Variants in SPATS2L observed in about 807,000 individuals in gnomAD.
SPATS2L encodes spermatogenesis associated serine rich 2 like.
SPATS2L carries 30 observed loss-of-function variants against 59.6 expected under a neutral mutation model. The observed-to-expected ratio is 0.50, with a 90% CI of 0.38 to 0.68. The LOEUF (loss-of-function observed/expected upper bound fraction) is 0.68. Ranked by LOEUF, SPATS2L falls within the 30% of genes least tolerant of loss-of-function variation. SPATS2L has a pLI of 0.00. For missense variants in SPATS2L, 615 were observed against 700.0 expected, an observed-to-expected ratio of 0.88 and a Z score of 1.37; for synonymous variants, 252 against 263.5, an observed-to-expected ratio of 0.96 and a Z score of 0.42.
At chr2:200,433,385 A>G (rs937497289) in intron 6 of SPATS2L, among the ~76,000 whole-genome samples, 5 of 152,180 alleles carry the variant, frequency 3.3e-5, no homozygotes, top group Non-Finnish European at 7.4e-5. Flanking sequence ...CATGGCATTT[A>G]CATTAAAATA....
At chr2:200,426,427 AT>A (rs1000725706) in intron 6 of SPATS2L, among the ~76,000 whole-genome samples, 29 of 152,310 alleles carry the variant, frequency 1.9e-4, no homozygotes, top group African/African-American at 4.3e-4. Context: ...ATGAGCATGC[AT>A]TTTTGAAGTT....
At chr2:200,445,684 T>C (rs545929821) in intron 8 of SPATS2L, among the ~76,000 whole-genome samples, 2 of 152,328 alleles carry the variant, frequency 1.3e-5, no homozygotes, top group South Asian at 4.1e-4. Context: ...ACATATATCC[T>C]TGAAGCCCCT....
In SPATS2L at chr2:200,480,670, T is replaced by G. The variant is rs1236697964; in HGVS notation, c.*2639T>G. 2 of 152,320 alleles carry G rather than the reference T, an allele frequency of 1.3e-5. No individual in the cohort carries two copies. Among genetic ancestry groups the G allele is most frequent in the African/African-American group, 4.8e-5 (2 of 41,468 alleles). The allele number at this position is 152,320 out of a possible 1,614,324, so 9.4% of individuals were successfully genotyped here. On this transcript the variant is annotated 3_prime_UTR_variant, in exon 13 of 13. Coordinates refer to ENST00000409140, the MANE Select transcript of SPATS2L (RefSeq NM_001100423.2). ...ACAGGCATGAGCCACCTCGCCTGGC[T>G]GGTTTTTGCCTTTCTTATAGACCCT...
intron 1 of SPATS2L, among the ~76,000 whole-genome samples, chr2:200,328,686 A>G (rs2079836526): frequency 1.3e-5 from 2 of 152,220 alleles, no homozygotes; most frequent in African/African-American, 4.8e-5. Context: ...ATCCCCACAC[A>G]GTACTCAGCA....
At chr2:200,349,096 A>G (rs1478541999) in intron 2 of SPATS2L, among the ~76,000 whole-genome samples, 6 of 152,166 alleles carry the variant, frequency 3.9e-5, no homozygotes, top group African/African-American at 7.2e-5. Context: ...GTGTTATTGC[A>G]TCACATCTAA....
intron 1 of SPATS2L, among the ~76,000 whole-genome samples, chr2:200,308,433 CTG>C (rs1215161548): frequency 2.0e-5 from 3 of 152,052 alleles, no homozygotes; most frequent in Non-Finnish European, 4.4e-5. Context: ...TGAATTTTAA[CTG>C]GGGAAAAATC....
chr2:200,328,387 A>T (rs1012383769), intron 1 of SPATS2L, among the ~76,000 whole-genome samples: 3 of 152,168 alleles, frequency 2.0e-5, no homozygotes, highest in Non-Finnish European at 2.9e-5. Context: ...ATTTTTTCAA[A>T]ACTGGACTGG....
intron 8 of SPATS2L, among the ~76,000 whole-genome samples, chr2:200,447,644 C>T (rs563555897): frequency 1.1e-4 from 16 of 152,214 alleles, no homozygotes; most frequent in African/African-American, 3.1e-4. Flanking sequence ...GTTAAAGCAA[C>T]GTGGCTGAAA....
chr2:200,415,234 A>T (rs1012223928), intron 4 of SPATS2L, among the ~76,000 whole-genome samples: 4 of 152,228 alleles, frequency 2.6e-5, no homozygotes, highest in African/African-American at 9.6e-5. Context: ...AGGGGCGTTG[A>T]GTTGGAAACT....
intron 2 of SPATS2L, among the ~76,000 whole-genome samples, chr2:200,338,307 G>C (rs1412240042): frequency 6.6e-6 from 1 of 152,186 alleles, no homozygotes; most frequent in Non-Finnish European, 1.5e-5. Flanking sequence ...TTACAGGTGT[G>C]AGCCACCGTG....
At chr2:200,366,579 C>T (rs2081275704) in intron 2 of SPATS2L, among the ~76,000 whole-genome samples, 1 of 152,122 alleles carries the variant, frequency 6.6e-6, no homozygotes, top group Non-Finnish European at 1.5e-5. Context: ...TATTCATGGA[C>T]TTGAGTTGGT....
intron 2 of SPATS2L, among the ~76,000 whole-genome samples, chr2:200,338,648 C>A (rs1028530846): frequency 2.0e-5 from 3 of 152,192 alleles, no homozygotes; most frequent in African/African-American, 7.2e-5. Context: ...CTTATCACAG[C>A]TTTTCTTAAT....
At chr2:200,308,281 A>ATAT (rs1179766387) in intron 1 of SPATS2L, among the ~76,000 whole-genome samples, 2 of 152,094 alleles carry the variant, frequency 1.3e-5, no homozygotes, top group Non-Finnish European at 2.9e-5. Context: ...AATACCCTGA[A>ATAT]AATAGAGTGG....
chr2:200,362,334 A>G (rs976896167), intron 2 of SPATS2L, among the ~76,000 whole-genome samples: 2 of 152,222 alleles, frequency 1.3e-5, no homozygotes, highest in African/African-American at 4.8e-5. Context: ...TGAGATAAAG[A>G]CAACACTGGC....
intron 2 of SPATS2L, among the ~76,000 whole-genome samples, chr2:200,384,640 C>A (rs2081934143): frequency 6.6e-6 from 1 of 152,180 alleles, no homozygotes; most frequent in South Asian, 2.1e-4. Context: ...ACGTGAGCCA[C>A]CGCGCCCAGC....
intron 3 of SPATS2L, among the ~76,000 whole-genome samples, chr2:200,410,986 A>G (rs1184746645): frequency 6.7e-6 from 1 of 150,270 alleles, no homozygotes; most frequent in African/African-American, 2.4e-5. Flanking sequence ...TAGAAAATCA[A>G]TTTGTATGTG....
chr2:200,471,204 C>A (rs1223500162), intron 11 of SPATS2L, among the ~76,000 whole-genome samples: 2 of 152,160 alleles, frequency 1.3e-5, no homozygotes, highest in East Asian at 3.8e-4. Flanking sequence ...CTGCTGCGAG[C>A]ATCCTTGTCC....
intron 2 of SPATS2L, among the ~76,000 whole-genome samples, chr2:200,381,764 C>A (rs1049778775): frequency 6.6e-6 from 1 of 152,198 alleles, no homozygotes; most frequent in Non-Finnish European, 1.5e-5. Flanking sequence ...GCTGATTCTT[C>A]CCCTCTGAGG....
At chr2:200,344,352 A>AGGATAATG (rs1237506344) in intron 2 of SPATS2L, among the ~76,000 whole-genome samples, 6 of 152,196 alleles carry the variant, frequency 3.9e-5, no homozygotes, top group African/African-American at 1.2e-4. Context: ...TAGTTTGCTA[A>AGGATAATG]GGATAATGGC....
Sources: allele counts gnomAD v4.1 joint callset (sites outside exome capture counted in the v4.1 genomes callset), GRCh38; gene constraint gnomAD v4.1.1; transcripts MANE v1.5; gene names NCBI Gene and HGNC (gene_info 2026-07-23, HGNC 2026-07-21).